The following APMAP variants were observed in gnomAD, a reference collection of about 807,000 sequenced individuals.
The protein encoded by APMAP is adipocyte plasma membrane associated protein.
In APMAP, 33 loss-of-function variants were observed where a neutral mutation model predicts 43.6. That is an observed-to-expected ratio of 0.76 (90% CI 0.57 to 1.01). The LOEUF (loss-of-function observed/expected upper bound fraction) is 1.01, where lower values mean the gene tolerates loss of function less well. Among genes scored for constraint, APMAP ranks in the 50% least tolerant of loss-of-function variants. APMAP has a pLI of 0.00. For missense variants in APMAP, 498 were observed against 540.7 expected (o/e 0.92, Z 0.78); for synonymous variants, 224 against 216.7 (o/e 1.03, Z -0.30).
At chr20:24,975,262 T>C (rs192066289) in intron 3 of APMAP, among the ~76,000 whole-genome samples, 159 of 152,256 alleles carry the variant, frequency 1.0e-3, no homozygotes, top group African/African-American at 3.8e-3. Flanking sequence ...AGTGACATAA[T>C]TGTCTAGATA....
At position 24,992,725 on chromosome 20, in the gene APMAP, A is replaced by C. The variant is rs982188049; in HGVS notation, c.-37T>G. On this transcript the variant is annotated 5_prime_UTR_variant, in exon 1 of 9. Coordinates refer to ENST00000217456, the MANE Select transcript of APMAP (RefSeq NM_020531.3). ...CAGCCTCACCCGCAGAAACCACCTC[A>C]CACTGAGCGGCGCCGGCTCAGACTC... is the stretch of plus-strand genomic sequence containing the variant. The C allele has an allele frequency of 9.0e-6, 13 of 1,438,252 alleles. No individual in the cohort carries two copies. The highest frequency in any genetic ancestry group is 1.2e-5 in the Non-Finnish European group (13 of 1,082,844). The allele number at this position is 1,438,252 out of a possible 1,614,324, so 89.1% of individuals were successfully genotyped here. A position where few individuals can be genotyped will look rare whatever the true frequency, so the allele number is the denominator to read the frequency against.
chr20:24,992,444 G>A (rs1310092032), intron 1 of APMAP, 150 bp downstream of exon 1: 4 of 601,432 alleles, frequency 6.7e-6, no homozygotes, highest in African/African-American at 1.9e-5. Context: ...GGAAAAATGA[G>A]TTTTTCTTGG....
At position 24,978,815 on chromosome 20, in the gene APMAP, G is replaced by T; in HGVS notation, c.280C>A (p.Leu94Met). The T allele has an allele frequency of 6.2e-7, 1 of 1,606,834 alleles. No homozygotes were observed. Among genetic ancestry groups the T allele is most frequent in the Non-Finnish European group, 8.5e-7 (1 of 1,177,052 alleles). Residue 94 changes from leucine (L) to methionine (M), a missense_variant, in exon 3 of 9, where the codon CTG (leucine) becomes ATG (methionine). Coordinates refer to ENST00000217456, the MANE Select transcript of APMAP (RefSeq NM_020531.3). Reference sequence around the variant, plus strand: ...GGTCCAACAAGTTGATTTTCAAACAGCCTTTCTGCCTGTCGCAGCTTCGTA... The same window carrying T: ...GGTCCAACAAGTTGATTTTCAAACATCCTTTCTGCCTGTCGCAGCTTCGTA... Reference protein sequence around the residue: ...PNTKLRQAERLFENQLVGPES... With the variant: ...PNTKLRQAERMFENQLVGPES...
At chr20:24,989,777 A>G (rs1230354899) in intron 1 of APMAP, among the ~76,000 whole-genome samples, 1 of 152,198 alleles carries the variant, frequency 6.6e-6, no homozygotes, top group Non-Finnish European at 1.5e-5. Context: ...GAAAATACAC[A>G]CCTGGGGCAA....
intron 2 of APMAP, among the ~76,000 whole-genome samples, chr20:24,980,292 G>A (rs1050388708): frequency 5.3e-5 from 8 of 152,360 alleles, no homozygotes; most frequent in East Asian, 3.9e-4. Context: ...GGAGCTAAGC[G>A]TTGGGGAAAA....
chr20:24,972,142 A>C (rs2122496378), intron 4 of APMAP, among the ~76,000 whole-genome samples: 1 of 146,460 alleles, frequency 6.8e-6, no homozygotes, highest in Non-Finnish European at 1.5e-5. Flanking sequence ...GCAGGTGCTT[A>C]TTGCAAGGTG....
intron 1 of APMAP, among the ~76,000 whole-genome samples, chr20:24,991,668 G>A (rs1392345933): frequency 1.3e-5 from 2 of 152,148 alleles, no homozygotes; most frequent in East Asian, 1.9e-4. Context: ...AATATTTCCA[G>A]TATTTCTATC....
intron 7 of APMAP, 78 bp downstream of exon 7, chr20:24,969,448 C>T: frequency 2.0e-6 from 3 of 1,526,862 alleles, no homozygotes; most frequent in Non-Finnish European, 2.7e-6. Context: ...TTCTGTCGAT[C>T]CCATTTCCAT....
At chr20:24,984,064 C>T (rs568461714) in intron 1 of APMAP, 45 bp from the exon 2 acceptor site, 9 of 1,516,762 alleles carry the variant, frequency 5.9e-6, no homozygotes, top group African/African-American at 4.1e-5. Flanking sequence ...GAGTCTCAGA[C>T]AGTGACAAGG....
intron 3 of APMAP, among the ~76,000 whole-genome samples, chr20:24,975,537 G>A (rs1415938282): frequency 6.6e-6 from 1 of 152,092 alleles, no homozygotes; most frequent in African/African-American, 2.4e-5. Flanking sequence ...CTAAATAAAT[G>A]GAGAGATATT....
intron 8 of APMAP, among the ~76,000 whole-genome samples, chr20:24,964,573 C>G (rs1290118359): frequency 2.0e-5 from 3 of 152,118 alleles, no homozygotes; most frequent in Non-Finnish European, 4.4e-5. Context: ...GCGGGGCGTG[C>G]AGATCCTGAG....
chr20:24,980,011 G>A lies in APMAP; in HGVS notation c.213-1129C>T, dbSNP rs1042116639. 1.2e-3 allele frequency among the ~76,000 whole-genome samples: 189 copies of A among 152,300 alleles called. 1 individual carries two copies. The highest frequency in any genetic ancestry group is 0.012 in the Admixed American group (185 of 15,310). On this transcript the variant is annotated intron_variant, in intron 2 of 8. Transcript: ENST00000217456. ...AACCCAGGCCCCTGCCCTACTCCAT[G>A]CTCCTCATAGCACACACCAGCTTCT...
Position 24,978,749 on chromosome 20 carries a change from A to G in APMAP, c.328+18T>C, listed in dbSNP as rs6083703. On this transcript the variant is annotated intron_variant, in intron 3 of 8. Transcript: ENST00000217456. ...AGACAGCCTGGAAGGCTCCCCCCCCACCCAAGCTTAGACTTACCCCCAATA... is the reference window on the plus strand; with the variant it reads ...AGACAGCCTGGAAGGCTCCCCCCCCGCCCAAGCTTAGACTTACCCCCAATA... The G allele has an allele frequency of 3.3e-6, 4 of 1,213,282 alleles. No individual in the cohort carries two copies. Among genetic ancestry groups the G allele is most frequent in the African/African-American group, 4.1e-5 (2 of 48,350 alleles). The allele number at this position is 1,213,282 out of a possible 1,614,324, so 75.2% of individuals were successfully genotyped here.
chr20:24,974,361 GA>G (rs2088032385), intron 3 of APMAP: 1 of 151,986 alleles, frequency 6.6e-6, no homozygotes, highest in African/African-American at 2.4e-5. Flanking sequence ...AGAAAGGAGA[GA>G]AAATGGAATC....
intron 2 of APMAP, among the ~76,000 whole-genome samples, chr20:24,980,856 G>A (rs574041860): frequency 6.6e-6 from 1 of 152,246 alleles, no homozygotes; most frequent in African/African-American, 2.4e-5. Context: ...TGCCAGCTTC[G>A]CTCGGCCTCC....
intron 3 of APMAP, among the ~76,000 whole-genome samples, chr20:24,975,019 G>A (rs1350165866): frequency 6.6e-6 from 1 of 152,046 alleles, no homozygotes; most frequent in African/African-American, 2.4e-5. Flanking sequence ...GAGTAGAGGG[G>A]AAACTTTCTT....
At chr20:24,979,007 A>T in intron 2 of APMAP, 125 bp from the exon 3 acceptor site, 1 of 708,016 alleles carries the variant, frequency 1.4e-6, no homozygotes, top group Non-Finnish European at 2.5e-6. Flanking sequence ...CAGTTGCCAG[A>T]AATACAAGGG....
At chr20:24,977,786 A>G (rs748192014) in intron 3 of APMAP, among the ~76,000 whole-genome samples, 1 of 152,032 alleles carries the variant, frequency 6.6e-6, no homozygotes, top group Non-Finnish European at 1.5e-5. Context: ...CACCAAAAAA[A>G]GCTAAAGCTT....
At position 24,969,512 on chromosome 20, in the gene APMAP, A is replaced by C; in HGVS notation, c.848+14T>G. 6.3e-7 allele frequency: 1 copy of C among 1,599,274 alleles called. No homozygotes were observed. The highest frequency in any genetic ancestry group is 8.6e-7 in the Non-Finnish European group (1 of 1,168,550). On this transcript the variant is annotated intron_variant, in intron 7 of 8. Coordinates refer to ENST00000217456, the MANE Select transcript of APMAP (RefSeq NM_020531.3). ...CTGGCCAGTAACTGATGGCTCAGCT[A>C]ATCCCACACACACCTTCGTATCCTG...
Sources: gnomAD v4.1 joint callset for allele counts (sites outside exome capture counted in the v4.1 genomes callset) on GRCh38, gnomAD v4.1.1 for gene constraint, MANE v1.5 for transcripts, NCBI Gene and HGNC (gene_info 2026-07-23, HGNC 2026-07-21) for gene names.